Variants in SLCO3A1 observed in about 807,000 individuals in gnomAD.
The protein encoded by SLCO3A1 is PGE1 transporter.
A neutral mutation model predicts 63.1 loss-of-function variants in SLCO3A1; 27 were observed. The observed-to-expected ratio is 0.43, with a 90% confidence interval of 0.32 to 0.59. The LOEUF is 0.59. Ranked by LOEUF, SLCO3A1 falls within the 20% of genes least tolerant of loss-of-function variation. The pLI, the probability that SLCO3A1 is intolerant of heterozygous loss-of-function variation, is 0.09. For synonymous variants in SLCO3A1, 473 were observed against 409.9 expected (o/e 1.15, Z -1.86); for missense variants, 773 against 945.8 (o/e 0.82, Z 2.40).
rs182401206 is a variant in SLCO3A1, at chr15:91,988,125, G to A, written c.646+71667G>A. ...TACTTTTGAAAAATGGCGTAGGGTT[G>A]GGTGCGGTGGTGCACGCCTATAATT... On this transcript the variant is annotated intron_variant, in intron 2 of 9. Transcript: ENST00000318445. Among the ~76,000 whole-genome samples, 6 of 152,284 alleles carry A rather than the reference G, an allele frequency of 3.9e-5. No homozygotes were observed. In the South Asian group the frequency reaches 1.2e-3, roughly 32 times the overall value.
At chr15:92,162,500 T>C (rs2048452025) in intron 9 of SLCO3A1, 1 of 495,060 alleles carries the variant, frequency 2.0e-6, no homozygotes, top group Non-Finnish European at 3.5e-6. Context: ...GTGAAGACTG[T>C]AGTATTATCA....
At chr15:91,947,017 A>G (rs903262170) in intron 2 of SLCO3A1, among the ~76,000 whole-genome samples, 3 of 152,296 alleles carry the variant, frequency 2.0e-5, no homozygotes. Flanking sequence ...CCCCAGTCAT[A>G]CCCCTTAAAG....
At chr15:91,898,809 G>A (rs1036579183) in intron 1 of SLCO3A1, among the ~76,000 whole-genome samples, 1 of 152,122 alleles carries the variant, frequency 6.6e-6, no homozygotes, top group African/African-American at 2.4e-5. Flanking sequence ...TTTATTGGTA[G>A]TATTAAAATT....
intron 2 of SLCO3A1, among the ~76,000 whole-genome samples, chr15:92,093,466 C>G (rs955879073): frequency 6.6e-6 from 1 of 152,106 alleles, no homozygotes; most frequent in African/African-American, 2.4e-5. Flanking sequence ...CCCACTAGGC[C>G]CCACCTCCAA....
chr15:92,046,877 G>A (rs757671424), intron 2 of SLCO3A1, among the ~76,000 whole-genome samples: 14 of 146,902 alleles, frequency 9.5e-5, no homozygotes, highest in Non-Finnish European at 1.9e-4. Flanking sequence ...GCTGGCAAGG[G>A]CCCTGTGAAT....
At chr15:92,042,438 G>C (rs1260008337) in intron 2 of SLCO3A1, among the ~76,000 whole-genome samples, 3 of 152,158 alleles carry the variant, frequency 2.0e-5, no homozygotes, top group Non-Finnish European at 4.4e-5. Flanking sequence ...TGGGCCAATT[G>C]ATGTAGGAAC....
At chr15:92,026,555 T>A (rs1217304444) in intron 2 of SLCO3A1, among the ~76,000 whole-genome samples, 3 of 151,982 alleles carry the variant, frequency 2.0e-5, no homozygotes, top group African/African-American at 7.3e-5. Flanking sequence ...AGAAAAAAAA[T>A]AGTCTAGGGG....
intron 7 of SLCO3A1, among the ~76,000 whole-genome samples, chr15:92,140,188 C>T (rs1436042632): frequency 6.4e-5 from 8 of 125,206 alleles, no homozygotes; most frequent in East Asian, 4.4e-4. Flanking sequence ...TCTTTGTTCT[C>T]GTTGGTTTCA....
intron 1 of SLCO3A1, among the ~76,000 whole-genome samples, chr15:91,906,891 T>C (rs1898324017): frequency 6.6e-6 from 1 of 151,454 alleles, no homozygotes; most frequent in Non-Finnish European, 1.5e-5. Context: ...GAAAAATCAA[T>C]GATGAGATTT....
At position 92,165,775 on chromosome 15, in the gene SLCO3A1, T is replaced by C. The variant is rs2048489216; in HGVS notation, c.*2640T>C. The C allele has an allele frequency of 2.0e-6, 2 of 985,426 alleles. No homozygotes were observed. The highest frequency in any genetic ancestry group is 2.4e-6 in the Non-Finnish European group (2 of 829,912). 61.0% of individuals were successfully genotyped at this position (985,426 alleles called of 1,614,324 possible). ...CCTTTTGTGCTCTAAAGAAGCATTG[T>C]ACATACAACACTAGATCCAGCCCCT... On this transcript the variant is annotated 3_prime_UTR_variant, in exon 10 of 10. Coordinates refer to ENST00000318445, the MANE Select transcript of SLCO3A1 (RefSeq NM_013272.4).
chr15:91,856,360 C>A lies in SLCO3A1; in HGVS notation c.180+2272C>A, dbSNP rs762749619. Among the ~76,000 whole-genome samples the A allele has an allele frequency of 1.3e-5, 2 of 152,116 alleles. No homozygotes were observed. Among genetic ancestry groups the A allele is most frequent in the African/African-American group, 2.4e-5 (1 of 41,418 alleles). ...CTAAGGGCTCTGCTTTGCCCGGCTGCCCTCGTCTTTGCCTTGCCATCGGAG... is the reference window on the plus strand; with the variant it reads ...CTAAGGGCTCTGCTTTGCCCGGCTGACCTCGTCTTTGCCTTGCCATCGGAG... On this transcript the variant is annotated intron_variant, in intron 1 of 9. Coordinates refer to ENST00000318445, the MANE Select transcript of SLCO3A1 (RefSeq NM_013272.4). The surrounding 1 kb of genome is among the most constrained non-coding windows in gnomAD (Gnocchi z 4.9).
intron 1 of SLCO3A1, among the ~76,000 whole-genome samples, chr15:91,899,981 T>C (rs1296088592): frequency 6.6e-6 from 1 of 152,254 alleles, no homozygotes; most frequent in African/African-American, 2.4e-5. Flanking sequence ...GGTATTGGAA[T>C]TTAGTAGATA....
chr15:92,005,728 T>A (rs2046304944), intron 2 of SLCO3A1, among the ~76,000 whole-genome samples: 1 of 152,176 alleles, frequency 6.6e-6, no homozygotes, highest in African/African-American at 2.4e-5. Context: ...CTACGCTAGC[T>A]CACTTTTACA....
At chr15:92,158,904 T>G (rs2048403563) in intron 9 of SLCO3A1, among the ~76,000 whole-genome samples, 1 of 152,252 alleles carries the variant, frequency 6.6e-6, no homozygotes, top group Admixed American at 6.5e-5. Context: ...ATATTTTCAC[T>G]ATTCAGAAGT....
At chr15:91,971,499 G>A (rs1416604126) in intron 2 of SLCO3A1, among the ~76,000 whole-genome samples, 1 of 146,892 alleles carries the variant, frequency 6.8e-6, no homozygotes, top group African/African-American at 2.5e-5. Context: ...CCATGTTTTT[G>A]TGCTTTTGTT....
At chr15:91,937,683 CA>C (rs1406243972) in intron 2 of SLCO3A1, among the ~76,000 whole-genome samples, 1 of 147,488 alleles carries the variant, frequency 6.8e-6, no homozygotes, top group Non-Finnish European at 1.5e-5. Context: ...CATGCTACTA[CA>C]CTCCAGCCCG....
intron 1 of SLCO3A1, among the ~76,000 whole-genome samples, chr15:91,861,375 T>C (rs1470766826): frequency 6.6e-6 from 1 of 152,234 alleles, no homozygotes; most frequent in East Asian, 1.9e-4. Context: ...TTTATTTCGG[T>C]TCTTCTTTGT....
chr15:92,146,380 C>G (rs1268021668), intron 7 of SLCO3A1, among the ~76,000 whole-genome samples: 5 of 152,214 alleles, frequency 3.3e-5, no homozygotes, highest in Non-Finnish European at 5.9e-5. Context: ...TAGCTCTGCT[C>G]CCCACGAGCT....
intron 2 of SLCO3A1, among the ~76,000 whole-genome samples, chr15:91,960,557 C>T (rs1277532577): frequency 6.6e-6 from 1 of 152,162 alleles, no homozygotes; most frequent in South Asian, 2.1e-4. Flanking sequence ...CTCCTAAACT[C>T]GTTCCTTTCA....
Sources: gnomAD v4.1 joint callset for allele counts (sites outside exome capture counted in the v4.1 genomes callset) on GRCh38, gnomAD v4.1.1 for gene constraint, Gnocchi (gnomAD v3.1) non-coding constraint, MANE v1.5 for transcripts, NCBI Gene and HGNC (gene_info 2026-07-23, HGNC 2026-07-21) for gene names.